Variants in DOCK1 observed in about 807,000 individuals in gnomAD.
DOCK1 encodes the protein dedicator of cytokinesis protein 1.
In DOCK1, 138 loss-of-function variants were observed where a neutral mutation model predicts 262.7. The ratio of observed to expected loss-of-function variants is 0.53; its 90% CI spans 0.46 to 0.61. DOCK1 has a LOEUF of 0.61. DOCK1 is among the 20% of genes least tolerant of loss of function. The pLI is 0.00. For missense variants in DOCK1, 1,908 were observed against 2,370.7 expected, an observed-to-expected ratio of 0.80 and a Z score of 4.05; for synonymous variants, 866 against 867.4, an observed-to-expected ratio of 1.00 and a Z score of 0.03.
In DOCK1 at chr10:127,328,261, C is replaced by A. The variant is rs117123291; in HGVS notation, c.3045-10745C>A. Among the ~76,000 whole-genome samples, 1,203 of 152,198 alleles carry A rather than the reference C, an allele frequency of 7.9e-3. 51 individuals are homozygous for A. Among genetic ancestry groups the A allele is most frequent in the Admixed American group, 0.064 (986 of 15,290 alleles). ...GAACCCGGATAAATTTTAAGCATCA[C>A]TGGTGTATGCTGAGCGTGAAATACC... On this transcript the variant is annotated intron_variant, in intron 29 of 51. Transcript: ENST00000623213.
At chr10:126,956,888 G>A (rs1234002270) in intron 1 of DOCK1, among the ~76,000 whole-genome samples, 3 of 152,122 alleles carry the variant, frequency 2.0e-5, no homozygotes, top group South Asian at 2.1e-4. Context: ...GAGCAGTGGG[G>A]GGCCACCAGC....
intron 32 of DOCK1, among the ~76,000 whole-genome samples, chr10:127,360,222 T>G (rs2064345348): frequency 6.6e-6 from 1 of 152,176 alleles, no homozygotes; most frequent in South Asian, 2.1e-4. Flanking sequence ...TTCCTCCCTC[T>G]CCCATCTCTC....
intron 13 of DOCK1, chr10:127,019,077 AG>A: frequency 1.9e-6 from 1 of 526,522 alleles, no homozygotes; most frequent in Non-Finnish European, 3.2e-6. Context: ...GGATTGTGTG[AG>A]GGGGGCGTGG....
chr10:127,247,485 C>T (rs751176132), intron 27 of DOCK1, among the ~76,000 whole-genome samples: 10 of 152,118 alleles, frequency 6.6e-5, no homozygotes, highest in Non-Finnish European at 1.0e-4. Flanking sequence ...GGAGAGGCTG[C>T]ACACACATTT....
chr10:126,983,368 T>C (rs941692363), intron 4 of DOCK1, among the ~76,000 whole-genome samples: 13 of 152,110 alleles, frequency 8.5e-5, no homozygotes, highest in Non-Finnish European at 1.8e-4. Context: ...CACCTTCCCT[T>C]CTTCTCCTGG....
chr10:127,182,118 C>T (rs1040315314), intron 27 of DOCK1, among the ~76,000 whole-genome samples: 1 of 152,058 alleles, frequency 6.6e-6, no homozygotes, highest in Non-Finnish European at 1.5e-5. Flanking sequence ...AGATGGCACG[C>T]CCCGTTCCCT....
chr10:126,990,360 T>C (rs989720416), intron 5 of DOCK1, 95 bp from the exon 6 acceptor site: 7 of 1,278,220 alleles, frequency 5.5e-6, no homozygotes, highest in Admixed American at 2.4e-5. Context: ...CTAGTGCTTA[T>C]ACCTCATGCG....
At chr10:127,089,180 G>A (rs2047370300) in intron 23 of DOCK1, among the ~76,000 whole-genome samples, 1 of 152,170 alleles carries the variant, frequency 6.6e-6, no homozygotes, top group Non-Finnish European at 1.5e-5. Context: ...TTGATGGAGT[G>A]CCTTGTCCCT....
At chr10:127,416,767 T>C (rs2068179657) in intron 44 of DOCK1, among the ~76,000 whole-genome samples, 2 of 152,218 alleles carry the variant, frequency 1.3e-5, no homozygotes, top group African/African-American at 4.8e-5. Flanking sequence ...GGTGGAATAC[T>C]GCCCTGGAGT....
intron 2 of DOCK1, 68 bp downstream of exon 2, chr10:126,970,853 T>G: frequency 6.5e-7 from 1 of 1,543,954 alleles, no homozygotes; most frequent in Non-Finnish European, 8.8e-7. Context: ...CAGTGCCTGC[T>G]GGGCAAAGCA....
chr10:127,099,253 A>G (rs534600264), intron 23 of DOCK1, among the ~76,000 whole-genome samples: 89 of 152,322 alleles, frequency 5.8e-4, no homozygotes, highest in African/African-American at 2.1e-3. Flanking sequence ...TCGACTTCCC[A>G]ATGTCCTCTG....
At chr10:127,397,629 A>G (rs576618492) in intron 38 of DOCK1, among the ~76,000 whole-genome samples, 48 of 152,218 alleles carry the variant, frequency 3.2e-4, no homozygotes, top group African/African-American at 1.1e-3. Context: ...TGATCTGAGC[A>G]TGAGTTACAC....
chr10:127,370,084 G>A (rs1481420150), intron 33 of DOCK1, among the ~76,000 whole-genome samples: 11 of 152,130 alleles, frequency 7.2e-5, no homozygotes, highest in Admixed American at 7.2e-4. Flanking sequence ...ATGCTCAGGG[G>A]GTAAGGTGTG....
chr10:127,124,230 A>G (rs1329052940), intron 25 of DOCK1, among the ~76,000 whole-genome samples: 1 of 152,238 alleles, frequency 6.6e-6, no homozygotes, highest in Non-Finnish European at 1.5e-5. Context: ...TCTTATATAA[A>G]AGAAACATTA....
At chr10:126,949,555 C>G (rs2035997210) in intron 1 of DOCK1, among the ~76,000 whole-genome samples, 1 of 152,202 alleles carries the variant, frequency 6.6e-6, no homozygotes, top group East Asian at 1.9e-4. Flanking sequence ...TTCAGAGCAG[C>G]AAGGGCAGAG....
intron 23 of DOCK1, among the ~76,000 whole-genome samples, chr10:127,091,373 G>A (rs539501916): frequency 4.6e-5 from 7 of 152,266 alleles, no homozygotes; most frequent in South Asian, 2.1e-4. Flanking sequence ...AAGGATATTC[G>A]TTTTATTGCT....
chr10:127,235,884 T>C (rs1361953185), intron 27 of DOCK1, among the ~76,000 whole-genome samples: 1 of 151,940 alleles, frequency 6.6e-6, no homozygotes. Flanking sequence ...AGATAGACCA[T>C]GCTTTCATGT....
intron 29 of DOCK1, among the ~76,000 whole-genome samples, chr10:127,335,211 A>G (rs2063139711): frequency 6.6e-6 from 1 of 152,198 alleles, no homozygotes; most frequent in Non-Finnish European, 1.5e-5. Context: ...CGAGATACCT[A>G]TGCTTTACTC....
intron 21 of DOCK1, among the ~76,000 whole-genome samples, chr10:127,049,968 C>CTTTTTTTTTTT (rs71941085): frequency 2.0e-5 from 2 of 100,072 alleles, no homozygotes; most frequent in African/African-American, 4.0e-5. Flanking sequence ...AAACTGGCCT[C>CTTTTTTTTTTT]TTTTTTTTTT....
Sources: allele counts gnomAD v4.1 joint callset (sites outside exome capture counted in the v4.1 genomes callset), GRCh38; gene constraint gnomAD v4.1.1; transcripts MANE v1.5; gene names NCBI Gene and HGNC (gene_info 2026-07-23, HGNC 2026-07-21).